The following MTUS2 variants were observed in gnomAD, a reference collection of about 807,000 sequenced individuals.
MTUS2 encodes microtubule associated scaffold protein 2, also known as microtubule-associated tumor suppressor candidate 2.
A neutral mutation model predicts 114.1 loss-of-function variants in MTUS2; 40 were observed. The ratio of observed to expected loss-of-function variants is 0.35; its 90% CI spans 0.27 to 0.46. The LOEUF is 0.46. Among genes scored for constraint, MTUS2 ranks in the 20% least tolerant of loss-of-function variants. MTUS2 has a pLI of 1.00. For missense variants in MTUS2, 1,679 were observed against 1,705.4 expected (o/e 0.98, Z 0.27); for synonymous variants, 688 against 672.0 (o/e 1.02, Z -0.37).
intron 2 of MTUS2, among the ~76,000 whole-genome samples, chr13:29,022,730 GTGCCTAATAAAA>G (rs1022122843): frequency 6.6e-6 from 1 of 152,170 alleles, no homozygotes; most frequent in Non-Finnish European, 1.5e-5. Context: ...CCTATCCCCA[GTGCCTAATAAAA>G]TGCACTCATA....
intron 5 of MTUS2, among the ~76,000 whole-genome samples, chr13:29,244,887 C>T (rs960195104): frequency 7.8e-6 from 1 of 127,750 alleles, no homozygotes; most frequent in Non-Finnish European, 1.6e-5. Flanking sequence ...ACCCGGGAGG[C>T]GGAGCTTGCA....
At chr13:29,125,491 A>G (rs557992264) in intron 5 of MTUS2, among the ~76,000 whole-genome samples, 215 of 152,204 alleles carry the variant, frequency 1.4e-3, no homozygotes, top group Non-Finnish European at 2.9e-3. Context: ...GTTGAATCTA[A>G]ATGTTTTCAT....
intron 2 of MTUS2, among the ~76,000 whole-genome samples, chr13:28,850,616 CAGT>C (rs1876205597): frequency 6.6e-6 from 1 of 152,170 alleles, no homozygotes; most frequent in African/African-American, 2.4e-5. Flanking sequence ...AGGTGTTAAA[CAGT>C]AGAGGGAGAA....
At chr13:29,307,398 C>A in intron 6 of MTUS2, 1 of 998,162 alleles carries the variant, frequency 1.0e-6, no homozygotes, top group Non-Finnish European at 1.6e-6. Context: ...AGAACATCAT[C>A]CCTGCCCCTA....
At chr13:29,457,025 G>T (rs1261943410) in intron 9 of MTUS2, among the ~76,000 whole-genome samples, 1 of 151,244 alleles carries the variant, frequency 6.6e-6, no homozygotes, top group Non-Finnish European at 1.5e-5. Context: ...GGCACCTGTA[G>T]TCCCAGCTAC....
intron 8 of MTUS2, among the ~76,000 whole-genome samples, chr13:29,435,333 A>G (rs575473199): frequency 6.6e-6 from 1 of 152,318 alleles, no homozygotes; most frequent in Non-Finnish European, 1.5e-5. Context: ...ACAGGAGCTC[A>G]TGTACTTGGC....
chr13:29,086,942 A>G (rs921303690), intron 4 of MTUS2, among the ~76,000 whole-genome samples: 2 of 152,212 alleles, frequency 1.3e-5, no homozygotes, highest in Middle Eastern at 3.4e-3. Flanking sequence ...TGGGTTTTAT[A>G]TATTAATTTT....
chr13:29,032,401 T>A (rs1886868942), intron 3 of MTUS2, among the ~76,000 whole-genome samples: 1 of 152,166 alleles, frequency 6.6e-6, no homozygotes. Flanking sequence ...GGAAATGATA[T>A]TAATTTCTTC....
chr13:28,955,919 A>C (rs906218618), intron 2 of MTUS2, among the ~76,000 whole-genome samples: 6 of 151,418 alleles, frequency 4.0e-5, no homozygotes, highest in Non-Finnish European at 8.8e-5. Flanking sequence ...TTTTTTTAAA[A>C]ATTTCCAGAA....
intron 9 of MTUS2, among the ~76,000 whole-genome samples, chr13:29,451,246 A>G (rs1300690184): frequency 6.6e-6 from 1 of 152,248 alleles, no homozygotes; most frequent in Non-Finnish European, 1.5e-5. Context: ...AATGTTTTGA[A>G]CTATAATATA....
intron 2 of MTUS2, among the ~76,000 whole-genome samples, chr13:28,954,249 C>A (rs1218919212): frequency 6.6e-6 from 1 of 151,998 alleles, no homozygotes; most frequent in African/African-American, 2.4e-5. Context: ...TTCTCAGTGG[C>A]GGCTCATTTT....
chr13:29,321,441 A>G (rs1900250952), intron 6 of MTUS2, among the ~76,000 whole-genome samples: 1 of 152,156 alleles, frequency 6.6e-6, no homozygotes, highest in Non-Finnish European at 1.5e-5. Flanking sequence ...GGCAAGAAGA[A>G]CAGAAGGTCT....
At chr13:29,343,706 G>GGTTTGT (rs1555267413) in intron 7 of MTUS2, among the ~76,000 whole-genome samples, 2 of 131,672 alleles carry the variant, frequency 1.5e-5, no homozygotes. Context: ...AGTTTGGTTT[G>GGTTTGT]TTTTGTTTCT....
At chr13:29,465,841 C>G (rs990981579) in intron 9 of MTUS2, among the ~76,000 whole-genome samples, 2 of 152,252 alleles carry the variant, frequency 1.3e-5, no homozygotes, top group African/African-American at 4.8e-5. Flanking sequence ...GGTCGCTTCT[C>G]TAAATGTCCA....
At chr13:29,088,676 A>G (rs903398224) in intron 4 of MTUS2, among the ~76,000 whole-genome samples, 3 of 152,224 alleles carry the variant, frequency 2.0e-5, no homozygotes, top group African/African-American at 7.2e-5. Flanking sequence ...TAGTTAAATC[A>G]TCTTATTGTA....
chr13:29,195,429 A>G (rs972959668), intron 5 of MTUS2, among the ~76,000 whole-genome samples: 1 of 148,452 alleles, frequency 6.7e-6, no homozygotes, highest in Admixed American at 6.9e-5. Flanking sequence ...TGTATTAGCT[A>G]TTTTCGTAGT....
At chr13:29,293,576 C>T (rs979925750) in intron 6 of MTUS2, among the ~76,000 whole-genome samples, 1 of 152,084 alleles carries the variant, frequency 6.6e-6, no homozygotes, top group African/African-American at 2.4e-5. Flanking sequence ...AGTATTTCTA[C>T]TTCTAGGACC....
At chr13:29,144,864 TAA>T (rs1892366999) in intron 5 of MTUS2, among the ~76,000 whole-genome samples, 1 of 152,148 alleles carries the variant, frequency 6.6e-6, no homozygotes, top group African/African-American at 2.4e-5. Flanking sequence ...TCATAAACAA[TAA>T]GAGTTAGGTA....
chr13:28,996,916 C>T (rs947781404), intron 2 of MTUS2, among the ~76,000 whole-genome samples: 10 of 152,054 alleles, frequency 6.6e-5, no homozygotes, highest in Non-Finnish European at 1.5e-5. Flanking sequence ...CTGCTCTGAT[C>T]TTAGTTATTT....
Sources: allele counts gnomAD v4.1 joint callset (sites outside exome capture counted in the v4.1 genomes callset), GRCh38; gene constraint gnomAD v4.1.1; transcripts MANE v1.5; gene names NCBI Gene and HGNC (gene_info 2026-07-23, HGNC 2026-07-21).